DYM: variants seen among roughly 807,000 people sequenced by gnomAD.
The protein encoded by DYM is dyggve-Melchior-Clausen syndrome protein.
A neutral mutation model predicts 93.1 loss-of-function variants in DYM; 78 were observed. The ratio of observed to expected loss-of-function variants is 0.84; its 90% CI spans 0.70 to 1.01. The LOEUF (loss-of-function observed/expected upper bound fraction) is 1.01. DYM is among the 50% of genes least tolerant of loss of function. The probability of loss-of-function intolerance (pLI) is 0.00; values close to 1 mark genes in which losing one functional copy is unlikely to be tolerated. For synonymous variants in DYM, 321 were observed against 319.7 expected (o/e 1.00, Z -0.04); for missense variants, 789 against 845.0 (o/e 0.93, Z 0.82).
At chr18:49,286,914 C>T (rs1188960486) in intron 8 of DYM, among the ~76,000 whole-genome samples, 2 of 152,044 alleles carry the variant, frequency 1.3e-5, no homozygotes, top group East Asian at 3.9e-4. Flanking sequence ...TAATGCAAGC[C>T]GGGTGCAGTG....
chr18:49,451,174 T>C (rs1004172282), intron 1 of DYM, among the ~76,000 whole-genome samples: 1 of 152,356 alleles, frequency 6.6e-6, no homozygotes, highest in African/African-American at 2.4e-5. Flanking sequence ...TAAGGTATAC[T>C]CCTGTGAACA....
chr18:49,289,772 T>A (rs5014907), intron 8 of DYM, among the ~76,000 whole-genome samples: 109 of 36,632 alleles, frequency 3.0e-3, no homozygotes, highest in Non-Finnish European at 4.6e-3. Flanking sequence ...TATATATATA[T>A]ACACATATAT....
chr18:49,174,939 G>GA (rs1055044781), intron 14 of DYM, among the ~76,000 whole-genome samples: 4 of 151,974 alleles, frequency 2.6e-5, no homozygotes, highest in Non-Finnish European at 5.9e-5. Context: ...CACCATAACA[G>GA]AAAAAAACAT....
At chr18:49,310,989 T>C (rs1199096627) in intron 8 of DYM, among the ~76,000 whole-genome samples, 1 of 152,308 alleles carries the variant, frequency 6.6e-6, no homozygotes, top group South Asian at 2.1e-4. Flanking sequence ...AATATAAAAA[T>C]GATGAATTAA....
chr18:49,106,326 C>T lies in DYM; in HGVS notation c.1912-8811G>A, dbSNP rs1362447910. ...CTGCATGTGAGATGGGTTTCCTGAA[C>T]ACAGCACACTGATGGGTCTTGACTC... On this transcript the variant is annotated intron_variant, in intron 16 of 17. Coordinates refer to ENST00000675505, the MANE Select transcript of DYM (RefSeq NM_001353214.3). 3.9e-5 allele frequency among the ~76,000 whole-genome samples: 6 copies of T among 152,198 alleles called. No homozygotes were observed. The South Asian group carries it at 6.2e-4, about 16-fold the overall frequency.
At chr18:49,292,340 A>ACAGG (rs2060177027) in intron 8 of DYM, among the ~76,000 whole-genome samples, 1 of 95,412 alleles carries the variant, frequency 1.0e-5, no homozygotes, top group Admixed American at 1.1e-4. Flanking sequence ...AGGCAGGCAG[A>ACAGG]CAGACAGACA....
chr18:49,207,458 T>G lies in DYM; in HGVS notation c.1625+2093A>C, dbSNP rs145782369. Among the ~76,000 whole-genome samples, 561 of 152,360 alleles carry G rather than the reference T, an allele frequency of 3.7e-3. 1 individual carries two copies. Among genetic ancestry groups the G allele is most frequent in the Non-Finnish European group, 6.5e-3 (440 of 68,034 alleles). On this transcript the variant is annotated intron_variant, in intron 14 of 17. Coordinates refer to ENST00000675505, the MANE Select transcript of DYM (RefSeq NM_001353214.3). ...ATGTGTAAACCTGGCTAAACTATTG[T>G]GCCCAGTTGTTGGGTCAAACACTAG...
chr18:49,103,352 T>C (rs2080399091), intron 16 of DYM, among the ~76,000 whole-genome samples: 1 of 152,052 alleles, frequency 6.6e-6, no homozygotes, highest in Non-Finnish European at 1.5e-5. Flanking sequence ...TTTTCTCCCA[T>C]TCTGTAGGTT....
chr18:49,197,752 T>C (rs1482378644), intron 14 of DYM, among the ~76,000 whole-genome samples: 8 of 152,052 alleles, frequency 5.3e-5, no homozygotes, highest in Admixed American at 3.3e-4. Context: ...AATGGGAGAA[T>C]ATTCCATGCT....
intron 13 of DYM, among the ~76,000 whole-genome samples, chr18:49,237,800 A>C (rs966421583): frequency 2.0e-5 from 3 of 152,196 alleles, no homozygotes; most frequent in Non-Finnish European, 2.9e-5. Context: ...AAATGCAAAC[A>C]AATATTATTT....
rs1177767060 is a variant in DYM, at chr18:49,339,259, T to C, written c.495-5406A>G. ...AGACACACACGCGTGCATGCGCACG[T>C]GCCAAAGAAAAATCCACAGAGATAT... On this transcript the variant is annotated intron_variant, in intron 6 of 17. Transcript: ENST00000675505. Among the ~76,000 whole-genome samples, 6 of 152,214 alleles carry C rather than the reference T, an allele frequency of 3.9e-5. No homozygotes were observed. The East Asian group carries it at 1.2e-3, about 29-fold the overall frequency.
intron 8 of DYM, among the ~76,000 whole-genome samples, chr18:49,317,207 C>A (rs180907121): frequency 6.6e-6 from 1 of 151,988 alleles, no homozygotes; most frequent in Non-Finnish European, 1.5e-5. Context: ...CCTAGAACTG[C>A]TCCAAAAAAT....
chr18:49,038,782 T>C lies in DYM; in HGVS notation c.*5273A>G, dbSNP rs1417949428. Among the ~76,000 whole-genome samples the C allele has an allele frequency of 6.6e-6, 1 of 152,240 alleles. No individual in the cohort carries two copies. The highest frequency in any genetic ancestry group is 1.5e-5 in the Non-Finnish European group (1 of 68,026). ...TTCTCTCTTATTATGTGGAAAGCTATACACTTTTATTGATATCTCAAATAT... is the reference window on the plus strand; with the variant it reads ...TTCTCTCTTATTATGTGGAAAGCTACACACTTTTATTGATATCTCAAATAT... On this transcript the variant is annotated 3_prime_UTR_variant, in exon 18 of 18. Coordinates refer to ENST00000675505, the MANE Select transcript of DYM (RefSeq NM_001353214.3).
chr18:49,145,005 C>T (rs966260255), intron 15 of DYM, among the ~76,000 whole-genome samples: 13 of 149,496 alleles, frequency 8.7e-5, no homozygotes, highest in Non-Finnish European at 1.6e-4. Flanking sequence ...AAGGCTGAGG[C>T]GGGAGTATTG....
At chr18:49,135,692 G>T (rs993392948) in intron 15 of DYM, among the ~76,000 whole-genome samples, 1 of 152,192 alleles carries the variant, frequency 6.6e-6, no homozygotes, top group African/African-American at 2.4e-5. Flanking sequence ...TCTTCTTACA[G>T]AGAAGTGTTT....
At chr18:49,216,845 G>A (rs2093077625) in intron 13 of DYM, among the ~76,000 whole-genome samples, 1 of 152,208 alleles carries the variant, frequency 6.6e-6, no homozygotes, top group African/African-American at 2.4e-5. Context: ...AAAGCAGAGT[G>A]CCTCTCCTCC....
intron 1 of DYM, among the ~76,000 whole-genome samples, chr18:49,440,179 G>C (rs1423392346): frequency 7.0e-6 from 1 of 143,708 alleles, no homozygotes. Context: ...GTAAACATTA[G>C]TGGATCTGAA....
rs1555690209 is a variant in DYM, at chr18:49,317,551, T to TTGTCTCTC, written c.763+14312_763+14313insGAGAGACA. Among the ~76,000 whole-genome samples the TTGTCTCTC allele has an allele frequency of 2.8e-3, 81 of 29,336 alleles. 8 individuals carry two copies. Among genetic ancestry groups the TTGTCTCTC allele is most frequent in the Admixed American group, 3.8e-3 (7 of 1,862 alleles). The allele number at this position is 29,336 out of a possible 152,430, so 19.2% of individuals were successfully genotyped here. A position where few individuals can be genotyped will look rare whatever the true frequency, so the allele number is the denominator to read the frequency against. On this transcript the variant is annotated intron_variant, in intron 8 of 17. Transcript: ENST00000675505. ...TGCCCTAGTCCTTAGCCATCTAGATTTCTCTCTCTCTCTCTCTCTCTCTCT... is the reference window on the plus strand; with the variant it reads ...TGCCCTAGTCCTTAGCCATCTAGATTTGTCTCTCTCTCTCTCTCTCTCTCTCTCTCTCT...
intron 17 of DYM, among the ~76,000 whole-genome samples, chr18:49,059,179 A>G (rs1298539439): frequency 6.6e-6 from 1 of 152,210 alleles, no homozygotes; most frequent in Admixed American, 6.5e-5. Flanking sequence ...GACCACAGCC[A>G]GCCAGCTAGT....
Sources: allele counts gnomAD v4.1 joint callset (sites outside exome capture counted in the v4.1 genomes callset), GRCh38; gene constraint gnomAD v4.1.1; transcripts MANE v1.5; gene names NCBI Gene and HGNC (gene_info 2026-07-23, HGNC 2026-07-21).